PLPPR1: variants seen among roughly 807,000 people sequenced by gnomAD.
PLPPR1 encodes the protein phospholipid phosphatase-related protein type 1.
A neutral mutation model predicts 33.1 loss-of-function variants in PLPPR1; 10 were observed. The observed-to-expected ratio is 0.30, with a 90% CI of 0.19 to 0.51. The LOEUF is 0.51. Ranked by LOEUF, PLPPR1 falls within the 20% of genes least tolerant of loss-of-function variation. The pLI is 0.97. For synonymous variants in PLPPR1, 151 were observed against 151.0 expected, an observed-to-expected ratio of 1.00 and a Z score of 0.00; for missense variants, 304 against 408.1, an observed-to-expected ratio of 0.74 and a Z score of 2.20.
intron 2 of PLPPR1, among the ~76,000 whole-genome samples, chr9:101,219,918 C>T (rs575339658): frequency 3.3e-5 from 5 of 152,252 alleles, no homozygotes; most frequent in Non-Finnish European, 5.9e-5. Context: ...TTGGTGTTAC[C>T]GTCTTATGTA....
chr9:101,043,071 C>T (rs529723208), intron 1 of PLPPR1, among the ~76,000 whole-genome samples: 3 of 152,200 alleles, frequency 2.0e-5, no homozygotes, highest in East Asian at 1.9e-4. Flanking sequence ...CCACCCTTTC[C>T]CCCTGAGTCC....
At chr9:101,220,816 ATGT>A (rs1826917465) in intron 2 of PLPPR1, among the ~76,000 whole-genome samples, 1 of 152,212 alleles carries the variant, frequency 6.6e-6, no homozygotes, top group South Asian at 2.1e-4. Flanking sequence ...AAGGTTGAAC[ATGT>A]TGTTGGCTTT....
chr9:101,320,875 C>A (rs1169137857), intron 7 of PLPPR1, among the ~76,000 whole-genome samples: 2 of 152,134 alleles, frequency 1.3e-5, no homozygotes, highest in African/African-American at 4.8e-5. Context: ...TAAATGAAGA[C>A]CCATCCAATA....
chr9:101,030,174 C>T (rs888563157), intron 1 of PLPPR1, among the ~76,000 whole-genome samples: 2 of 151,698 alleles, frequency 1.3e-5, no homozygotes, highest in Admixed American at 1.3e-4. Context: ...CCCGCTGCAC[C>T]CGGGAAAAGC....
At chr9:101,188,414 GT>G (rs553775540) in intron 2 of PLPPR1, among the ~76,000 whole-genome samples, 2 of 151,508 alleles carry the variant, frequency 1.3e-5, no homozygotes, top group Non-Finnish European at 1.5e-5. Context: ...ATATTCTGTA[GT>G]TTTTTTTCAG....
intron 3 of PLPPR1, among the ~76,000 whole-genome samples, chr9:101,278,486 T>A (rs975866643): frequency 1.3e-5 from 2 of 152,206 alleles, no homozygotes; most frequent in African/African-American, 4.8e-5. Context: ...TAATAAAAGA[T>A]GCATTGAAAA....
chr9:101,238,074 GTA>G (rs894774248), intron 2 of PLPPR1, among the ~76,000 whole-genome samples: 2 of 133,528 alleles, frequency 1.5e-5, no homozygotes, highest in Non-Finnish European at 3.2e-5. Flanking sequence ...ACGTGTGTGT[GTA>G]TATATATACA....
chr9:101,295,494 T>G (rs570281940), intron 4 of PLPPR1, among the ~76,000 whole-genome samples: 1 of 152,030 alleles, frequency 6.6e-6, no homozygotes, highest in Admixed American at 6.6e-5. Flanking sequence ...ACATCACCAA[T>G]TCAATCCTAA....
At chr9:101,188,318 A>G (rs1826238688) in intron 2 of PLPPR1, among the ~76,000 whole-genome samples, 1 of 152,084 alleles carries the variant, frequency 6.6e-6, no homozygotes, top group Admixed American at 6.6e-5. Flanking sequence ...TTTCTGCTGC[A>G]TTATAGAAGC....
At chr9:101,249,857 A>G (rs1564016327) in intron 2 of PLPPR1, among the ~76,000 whole-genome samples, 1 of 151,996 alleles carries the variant, frequency 6.6e-6, no homozygotes, top group Non-Finnish European at 1.5e-5. Context: ...TAGCTGGCAC[A>G]TCTCTTCTCA....
At chr9:101,299,474 A>C (rs186165423) in intron 4 of PLPPR1, among the ~76,000 whole-genome samples, 31 of 152,328 alleles carry the variant, frequency 2.0e-4, no homozygotes, top group South Asian at 1.5e-3. Context: ...TCCTCTGCTC[A>C]GTGCAGGGAC....
intron 1 of PLPPR1, among the ~76,000 whole-genome samples, chr9:101,116,807 CAAA>C (rs35906894): frequency 6.8e-5 from 8 of 118,356 alleles, no homozygotes; most frequent in Non-Finnish European, 8.8e-5. Flanking sequence ...GACTCCATCT[CAAA>C]AAAAAAAAAA....
chr9:101,138,873 T>G (rs1335936360), intron 1 of PLPPR1, among the ~76,000 whole-genome samples: 1 of 152,200 alleles, frequency 6.6e-6, no homozygotes, highest in African/African-American at 2.4e-5. Flanking sequence ...TTCATGTTTT[T>G]TCCCCAGGGT....
chr9:101,272,364 C>T (rs1180992650), intron 3 of PLPPR1, among the ~76,000 whole-genome samples: 8 of 152,038 alleles, frequency 5.3e-5, no homozygotes, highest in African/African-American at 1.2e-4. Flanking sequence ...AAAACTTTTC[C>T]GTGCATATTA....
intron 2 of PLPPR1, among the ~76,000 whole-genome samples, chr9:101,211,895 T>G (rs2118768779): frequency 1.3e-5 from 2 of 152,344 alleles, no homozygotes; most frequent in Middle Eastern, 3.4e-3. Flanking sequence ...AAATGGATAT[T>G]ATTACCACCT....
At chr9:101,175,836 G>A (rs1249484104) in intron 1 of PLPPR1, among the ~76,000 whole-genome samples, 1 of 152,112 alleles carries the variant, frequency 6.6e-6, no homozygotes, top group Non-Finnish European at 1.5e-5. Flanking sequence ...GAGTTGTGAT[G>A]ACTTTTGCTT....
intron 7 of PLPPR1, among the ~76,000 whole-genome samples, chr9:101,321,725 G>A (rs181361368): frequency 8.8e-5 from 13 of 147,584 alleles, no homozygotes; most frequent in Admixed American, 5.4e-4. Flanking sequence ...TCCCCATGGG[G>A]GAAAAATATA....
At chr9:101,080,280 G>T (rs1331567404) in intron 1 of PLPPR1, among the ~76,000 whole-genome samples, 1 of 152,164 alleles carries the variant, frequency 6.6e-6, no homozygotes, top group African/African-American at 2.4e-5. Flanking sequence ...AGTGGCTCAT[G>T]CCTGTAATTC....
At chr9:101,101,967 A>G (rs1326120429) in intron 1 of PLPPR1, among the ~76,000 whole-genome samples, 1 of 152,116 alleles carries the variant, frequency 6.6e-6, no homozygotes, top group Non-Finnish European at 1.5e-5. Flanking sequence ...GAATTCTGCC[A>G]TCACCTCTTC....
Sources: gnomAD v4.1 joint callset for allele counts (sites outside exome capture counted in the v4.1 genomes callset) on GRCh38, gnomAD v4.1.1 for gene constraint, MANE v1.5 for transcripts, NCBI Gene and HGNC (gene_info 2026-07-23, HGNC 2026-07-21) for gene names.